ERBB4: variants seen among roughly 807,000 people sequenced by gnomAD.
The protein encoded by ERBB4 is erb-b2 receptor tyrosine kinase 4.
Under a neutral mutation model 158.0 loss-of-function variants are expected in ERBB4, and 42 were observed. The ratio of observed to expected loss-of-function variants is 0.27; its 90% CI spans 0.21 to 0.34. The LOEUF (loss-of-function observed/expected upper bound fraction) is 0.34. Ranked by LOEUF, ERBB4 falls within the 10% of genes least tolerant of loss-of-function variation. The pLI, the probability that ERBB4 is intolerant of heterozygous loss-of-function variation, is 1.00. For missense variants in ERBB4, 1,333 were observed against 1,624.1 expected (o/e 0.82, Z 3.08); for synonymous variants, 583 against 558.7 (o/e 1.04, Z -0.61).
At chr2:212,013,876 A>G (rs1470096560) in intron 2 of ERBB4, among the ~76,000 whole-genome samples, 2 of 152,208 alleles carry the variant, frequency 1.3e-5, no homozygotes, top group African/African-American at 4.8e-5. Context: ...GATTTGAGAC[A>G]TCTAGCCTGA....
chr2:211,897,580 G>C (rs2079130550), intron 3 of ERBB4, among the ~76,000 whole-genome samples: 1 of 152,042 alleles, frequency 6.6e-6, no homozygotes, highest in Admixed American at 6.6e-5. Context: ...AGACCCAGCA[G>C]GCCTTCCCTC....
chr2:211,974,110 C>G (rs1297114672), intron 2 of ERBB4, among the ~76,000 whole-genome samples: 6 of 151,970 alleles, frequency 3.9e-5, no homozygotes, highest in Non-Finnish European at 7.4e-5. Context: ...GGGAGAGAAT[C>G]AGGAAAAACA....
intron 1 of ERBB4, among the ~76,000 whole-genome samples, chr2:212,497,173 C>A (rs1393874842): frequency 1.8e-5 from 2 of 110,716 alleles, no homozygotes; most frequent in South Asian, 3.0e-4. Flanking sequence ...AGCAAAACTC[C>A]ATCTCAAAAA....
chr2:212,200,078 A>T (rs951708902), intron 1 of ERBB4, among the ~76,000 whole-genome samples: 1 of 152,200 alleles, frequency 6.6e-6, no homozygotes, highest in Non-Finnish European at 1.5e-5. Context: ...GTTAAAGGTC[A>T]TGGCAGCTGG....
chr2:211,466,994 G>A (rs866740568), intron 20 of ERBB4, among the ~76,000 whole-genome samples: 61 of 152,176 alleles, frequency 4.0e-4, no homozygotes, highest in African/African-American at 1.3e-3. Flanking sequence ...TTTTAAAGGT[G>A]TAATGCATTA....
intron 1 of ERBB4, among the ~76,000 whole-genome samples, chr2:212,526,584 T>C (rs1372659490): frequency 6.6e-6 from 1 of 152,150 alleles, no homozygotes; most frequent in East Asian, 1.9e-4. Context: ...TATTATTAAC[T>C]GTTTAGTTGA....
chr2:211,992,381 A>G (rs2082094233), intron 2 of ERBB4, among the ~76,000 whole-genome samples: 1 of 152,090 alleles, frequency 6.6e-6, no homozygotes, highest in Non-Finnish European at 1.5e-5. Context: ...CACTGTCACA[A>G]GAATAGCATG....
At chr2:212,516,748 T>G (rs1342357132) in intron 1 of ERBB4, among the ~76,000 whole-genome samples, 1 of 152,128 alleles carries the variant, frequency 6.6e-6, no homozygotes, top group African/African-American at 2.4e-5. Context: ...TGTATTAAAC[T>G]CTATACTCTT....
chr2:212,364,102 T>A (rs1329748031), intron 1 of ERBB4, among the ~76,000 whole-genome samples: 1 of 151,720 alleles, frequency 6.6e-6, no homozygotes, highest in Non-Finnish European at 1.5e-5. Context: ...ATATCTCAAT[T>A]CTGGGCTGCA....
chr2:212,349,055 G>T (rs1387505009), intron 1 of ERBB4, among the ~76,000 whole-genome samples: 6 of 152,048 alleles, frequency 3.9e-5, no homozygotes, highest in Non-Finnish European at 5.9e-5. Flanking sequence ...ATTTCGAAAA[G>T]GATATAATGA....
intron 1 of ERBB4, among the ~76,000 whole-genome samples, chr2:212,477,879 T>G (rs1439447549): frequency 6.6e-6 from 1 of 152,142 alleles, no homozygotes; most frequent in East Asian, 1.9e-4. Context: ...CAGATAATGA[T>G]TCTCTGGCAT....
chr2:212,212,821 C>T (rs947227584), intron 1 of ERBB4, among the ~76,000 whole-genome samples: 1 of 151,852 alleles, frequency 6.6e-6, no homozygotes, highest in African/African-American at 2.4e-5. Context: ...ATGGAAAAAG[C>T]ATCTCCTATT....
At chr2:212,147,923 C>T (rs2080737292) in intron 1 of ERBB4, among the ~76,000 whole-genome samples, 1 of 152,106 alleles carries the variant, frequency 6.6e-6, no homozygotes, top group Non-Finnish European at 1.5e-5. Flanking sequence ...ATTTATCCTT[C>T]TTTCTCCATC....
intron 2 of ERBB4, among the ~76,000 whole-genome samples, chr2:212,052,878 A>C (rs917052715): frequency 1.3e-5 from 2 of 152,238 alleles, no homozygotes; most frequent in African/African-American, 4.8e-5. Flanking sequence ...ATGTGAGATT[A>C]TTCTTCTGTT....
chr2:212,476,153 T>TCACACACA (rs59580011), intron 1 of ERBB4, among the ~76,000 whole-genome samples: 1,637 of 144,270 alleles, frequency 0.011, 12 homozygotes, highest in Middle Eastern at 0.04. Context: ...TCTCTCTCTG[T>TCACACACA]CACACACACA....
intron 3 of ERBB4, among the ~76,000 whole-genome samples, chr2:211,819,430 T>C (rs1264733301): frequency 3.3e-5 from 5 of 151,834 alleles, no homozygotes; most frequent in Admixed American, 3.3e-4. Context: ...CAAGGGGAAA[T>C]AGTAAAAGCT....
rs982413100 is a variant in ERBB4, at chr2:211,516,196, G to A, written c.2487+45707C>T. ...CTCCCAAAGTGCTGGGATTACAAGC[G>A]TGAGCCACTGCGCCCGGCCAACATT... is the stretch of plus-strand genomic sequence containing the variant. On this transcript the variant is annotated intron_variant, in intron 20 of 27. Transcript: ENST00000342788. Among the ~76,000 whole-genome samples, 5 of 151,536 alleles carry A rather than the reference G, an allele frequency of 3.3e-5. No individual in the cohort carries two copies. In the South Asian group the frequency reaches 8.3e-4, roughly 25 times the overall value.
At chr2:211,538,489 G>T (rs192029482) in intron 20 of ERBB4, among the ~76,000 whole-genome samples, 1 of 151,488 alleles carries the variant, frequency 6.6e-6, no homozygotes, top group African/African-American at 2.4e-5. Flanking sequence ...GGAATCCTGG[G>T]GCTCTCTTTT....
chr2:212,189,179 G>A (rs1467134119), intron 1 of ERBB4, among the ~76,000 whole-genome samples: 2 of 151,240 alleles, frequency 1.3e-5, no homozygotes, highest in East Asian at 3.9e-4. Context: ...CACTTCCTTT[G>A]AGCATCAAGT....
Sources: allele counts gnomAD v4.1 joint callset (sites outside exome capture counted in the v4.1 genomes callset), GRCh38; gene constraint gnomAD v4.1.1; transcripts MANE v1.5; gene names NCBI Gene and HGNC (gene_info 2026-07-23, HGNC 2026-07-21).